CSMD1: variants seen among roughly 807,000 people sequenced by gnomAD.
The protein encoded by CSMD1 is CUB and Sushi multiple domains 1.
CSMD1 carries 213 observed loss-of-function variants against 417.5 expected under a neutral mutation model. The ratio of observed to expected loss-of-function variants is 0.51; its 90% CI spans 0.46 to 0.57. CSMD1 has a LOEUF of 0.57. Ranked by LOEUF, CSMD1 falls within the 20% of genes least tolerant of loss-of-function variation. CSMD1 has a pLI of 0.00. For synonymous variants in CSMD1, 2,862 were observed against 1,736.8 expected (o/e 1.65, Z -16.11); for missense variants, 6,923 against 4,529.7 (o/e 1.53, Z -15.17).
At chr8:3,825,579 A>G (rs1342907666) in intron 5 of CSMD1, among the ~76,000 whole-genome samples, 1 of 121,366 alleles carries the variant, frequency 8.2e-6, no homozygotes, top group East Asian at 3.2e-4. Context: ...TTGATTACCT[A>G]GAAGAGTGGG....
At chr8:4,414,471 G>C (rs907932774) in intron 3 of CSMD1, among the ~76,000 whole-genome samples, 14 of 152,070 alleles carry the variant, frequency 9.2e-5, no homozygotes, top group Non-Finnish European at 1.8e-4. Context: ...TGTTTGTGAG[G>C]ATTAAATTTC....
At chr8:3,495,615 A>G (rs2117314013) in intron 10 of CSMD1, among the ~76,000 whole-genome samples, 1 of 152,356 alleles carries the variant, frequency 6.6e-6, no homozygotes, top group South Asian at 2.1e-4. Flanking sequence ...TTGGTCTTGC[A>G]TAGACAGCTT....
intron 7 of CSMD1, among the ~76,000 whole-genome samples, chr8:3,675,795 T>C (rs1013092288): frequency 3.3e-5 from 5 of 152,176 alleles, no homozygotes; most frequent in Non-Finnish European, 5.9e-5. Context: ...GCCCAGTCTA[T>C]GATATTTTGT....
intron 2 of CSMD1, among the ~76,000 whole-genome samples, chr8:4,444,646 C>T (rs79103764): frequency 6.6e-6 from 1 of 152,220 alleles, no homozygotes; most frequent in East Asian, 1.9e-4. Flanking sequence ...TATTATCATT[C>T]AGGGCATGAT....
Position 4,978,221 on chromosome 8 carries a change from C to T in CSMD1, c.85+16111G>A, listed in dbSNP as rs550329606. Among the ~76,000 whole-genome samples, 4 of 152,052 alleles carry T rather than the reference C, an allele frequency of 2.6e-5. No homozygotes were observed. The East Asian group carries it at 7.7e-4, about 29-fold the overall frequency. ...AACTTGGGATCTCACAGATAGAGAC[C>T]CAACCTTTTAAGATATAATTGCAGG... On this transcript the variant is annotated intron_variant, in intron 1 of 69. Coordinates refer to ENST00000635120, the MANE Select transcript of CSMD1 (RefSeq NM_033225.6).
chr8:3,640,138 T>C (rs762554306), intron 7 of CSMD1, among the ~76,000 whole-genome samples: 23 of 152,190 alleles, frequency 1.5e-4, no homozygotes, highest in Admixed American at 4.6e-4. Flanking sequence ...CACTTTTTCT[T>C]GCGTAAGACT....
chr8:4,433,499 C>T (rs756255668), intron 2 of CSMD1, among the ~76,000 whole-genome samples: 1 of 152,170 alleles, frequency 6.6e-6, no homozygotes, highest in South Asian at 2.1e-4. Context: ...AAGTGTTTCC[C>T]TCATTCCCAA....
chr8:4,664,337 A>G (rs1585414632), intron 1 of CSMD1, among the ~76,000 whole-genome samples: 1 of 152,128 alleles, frequency 6.6e-6, no homozygotes, highest in Non-Finnish European at 1.5e-5. Flanking sequence ...AGGCGGGCGG[A>G]TCACTTGAGC....
At chr8:3,000,302 A>T (rs1244922762) in intron 52 of CSMD1, among the ~76,000 whole-genome samples, 171 bp from the exon 53 acceptor site, 6 of 149,856 alleles carry the variant, frequency 4.0e-5, no homozygotes, top group South Asian at 2.1e-4. Context: ...TTTTTTTATT[A>T]TTTTTTTTCA....
At chr8:3,840,032 T>C (rs1333754890) in intron 5 of CSMD1, among the ~76,000 whole-genome samples, 1 of 152,118 alleles carries the variant, frequency 6.6e-6, no homozygotes, top group Non-Finnish European at 1.5e-5. Flanking sequence ...AGTCCTATGT[T>C]TCTAGGAATC....
chr8:4,237,035 G>A (rs1467796298), intron 3 of CSMD1, among the ~76,000 whole-genome samples: 2 of 152,132 alleles, frequency 1.3e-5, no homozygotes, highest in Non-Finnish European at 2.9e-5. Context: ...ATGGATATAT[G>A]TGTTGCCATG....
intron 26 of CSMD1, among the ~76,000 whole-genome samples, chr8:3,253,004 A>G (rs1267910907): frequency 6.6e-6 from 1 of 152,120 alleles, no homozygotes; most frequent in African/African-American, 2.4e-5. Context: ...TGATCTTTTC[A>G]AAAAACCAGC....
At chr8:3,178,150 G>C (rs1821059391) in intron 37 of CSMD1, among the ~76,000 whole-genome samples, 1 of 152,074 alleles carries the variant, frequency 6.6e-6, no homozygotes, top group African/African-American at 2.4e-5. Flanking sequence ...CATTAAACCA[G>C]ACTTTCTTGG....
At chr8:4,064,929 T>TAAAAAAA (rs35007277) in intron 3 of CSMD1, among the ~76,000 whole-genome samples, 1 of 148,800 alleles carries the variant, frequency 6.7e-6, no homozygotes. Flanking sequence ...GACCTAGGCT[T>TAAAAAAA]AAAAAAAAAA....
At chr8:3,966,331 G>C (rs1435805194) in intron 5 of CSMD1, among the ~76,000 whole-genome samples, 1 of 152,212 alleles carries the variant, frequency 6.6e-6, no homozygotes, top group African/African-American at 2.4e-5. Context: ...ATAGCATCTT[G>C]CTCAGTCATC....
Position 4,032,150 on chromosome 8 carries a change from A to G in CSMD1, c.416-51T>C, listed in dbSNP as rs755777293. On this transcript the variant is annotated intron_variant, in intron 3 of 69. Transcript: ENST00000635120. ...AAAAAACAAGTTAAATTTTCCATGG[A>G]GAGCCACTTATAAGATAAAACAGAC... 7.8e-6 allele frequency: 11 copies of G among 1,405,892 alleles called. No homozygotes were observed. In the Admixed American group the frequency reaches 1.8e-4, roughly 23 times the overall value. The allele number at this position is 1,405,892 out of a possible 1,614,324, so 87.1% of individuals were successfully genotyped here. A position where few individuals can be genotyped will look rare whatever the true frequency, so the allele number is the denominator to read the frequency against.
intron 1 of CSMD1, among the ~76,000 whole-genome samples, chr8:4,765,499 T>A: frequency 6.6e-6 from 1 of 152,220 alleles, no homozygotes; most frequent in Non-Finnish European, 1.5e-5. Flanking sequence ...CTATTTAGTT[T>A]AAAATTATAC....
At chr8:4,235,051 G>C (rs1422084292) in intron 3 of CSMD1, among the ~76,000 whole-genome samples, 1 of 152,042 alleles carries the variant, frequency 6.6e-6, no homozygotes, top group East Asian at 1.9e-4. Flanking sequence ...CGAATTTAAG[G>C]GGACGCATTC....
chr8:3,772,440 TATATATACAC>T (rs1798642481), intron 5 of CSMD1, among the ~76,000 whole-genome samples: 1 of 69,572 alleles, frequency 1.4e-5, no homozygotes, highest in Non-Finnish European at 2.4e-5. Context: ...TACATACATT[TATATATACAC>T]ATATATATAC....
Sources: allele counts gnomAD v4.1 joint callset (sites outside exome capture counted in the v4.1 genomes callset), GRCh38; gene constraint gnomAD v4.1.1; transcripts MANE v1.5; gene names NCBI Gene and HGNC (gene_info 2026-07-23, HGNC 2026-07-21).